The following DGKB variants were observed in gnomAD, a reference collection of about 807,000 sequenced individuals.
The protein encoded by DGKB is diacylglycerol kinase beta.
In DGKB, 67 loss-of-function variants were observed where a neutral mutation model predicts 114.3. The ratio of observed to expected loss-of-function variants is 0.59; its 90% confidence interval spans 0.48 to 0.72. The LOEUF is 0.72. Ranked by LOEUF, DGKB falls within the 30% of genes least tolerant of loss-of-function variation. The pLI, the probability that DGKB is intolerant of heterozygous loss-of-function variation, is 0.00. For missense variants in DGKB, 907 were observed against 975.2 expected (o/e 0.93, Z 0.93); for synonymous variants, 398 against 323.1 (o/e 1.23, Z -2.49).
At chr7:14,897,699 G>T (rs1782330304) in intron 1 of DGKB, among the ~76,000 whole-genome samples, 1 of 151,834 alleles carries the variant, frequency 6.6e-6, no homozygotes, top group East Asian at 1.9e-4. Context: ...TTCTAAATAT[G>T]TAACACCACA....
At chr7:14,777,267 T>C (rs1193191857) in intron 2 of DGKB, among the ~76,000 whole-genome samples, 1 of 152,076 alleles carries the variant, frequency 6.6e-6, no homozygotes, top group African/African-American at 2.4e-5. Context: ...ACTTGGACTT[T>C]TGAGTTAATG....
At chr7:14,398,826 C>T (rs1822651554) in intron 21 of DGKB, among the ~76,000 whole-genome samples, 1 of 151,154 alleles carries the variant, frequency 6.6e-6, no homozygotes, top group East Asian at 1.9e-4. Flanking sequence ...AAGAGGGAGG[C>T]AAGATATTGA....
At chr7:14,661,883 T>C (rs1008064512) in intron 13 of DGKB, among the ~76,000 whole-genome samples, 1 of 152,038 alleles carries the variant, frequency 6.6e-6, no homozygotes, top group African/African-American at 2.4e-5. Flanking sequence ...CCATAAAAAA[T>C]GATGAGTTCA....
chr7:14,270,048 C>G (rs190120978), intron 23 of DGKB, among the ~76,000 whole-genome samples: 2 of 52,842 alleles, frequency 3.8e-5, no homozygotes, highest in Non-Finnish European at 3.4e-5. Context: ...GCTTTTTTTG[C>G]AAAAAAAAAA....
At chr7:14,899,641 C>T (rs937110966) in intron 1 of DGKB, among the ~76,000 whole-genome samples, 7 of 152,088 alleles carry the variant, frequency 4.6e-5, no homozygotes, top group African/African-American at 1.7e-4. Flanking sequence ...GAAATGTCCC[C>T]ATGTTCATTT....
intron 21 of DGKB, among the ~76,000 whole-genome samples, chr7:14,400,899 T>TG (rs1019643517): frequency 2.6e-5 from 4 of 151,860 alleles, no homozygotes; most frequent in Admixed American, 6.6e-5. Flanking sequence ...TCACATTCAG[T>TG]GGGGGGTCCA....
chr7:14,416,876 C>A (rs1475995284), intron 21 of DGKB, among the ~76,000 whole-genome samples: 1 of 152,078 alleles, frequency 6.6e-6, no homozygotes, highest in Non-Finnish European at 1.5e-5. Context: ...CTTTGTCTGG[C>A]AATCCATTCG....
intron 21 of DGKB, among the ~76,000 whole-genome samples, chr7:14,399,518 A>C (rs1822766221): frequency 6.6e-6 from 1 of 151,828 alleles, no homozygotes; most frequent in African/African-American, 2.4e-5. Flanking sequence ...TAGTACCTAT[A>C]ATACAAATAA....
intron 23 of DGKB, among the ~76,000 whole-genome samples, chr7:14,278,111 T>C (rs991080589): frequency 2.0e-5 from 3 of 152,140 alleles, no homozygotes; most frequent in African/African-American, 7.2e-5. Context: ...CCTATGAAAA[T>C]CCCAATGCCA....
At chr7:14,219,794 A>C (rs922747152) in intron 23 of DGKB, among the ~76,000 whole-genome samples, 2 of 151,568 alleles carry the variant, frequency 1.3e-5, no homozygotes, top group African/African-American at 4.8e-5. Context: ...CAATTTACAT[A>C]TTTTTTCTTT....
chr7:14,374,668 G>A (rs925738420), intron 21 of DGKB, among the ~76,000 whole-genome samples: 4 of 152,186 alleles, frequency 2.6e-5, no homozygotes, highest in African/African-American at 9.6e-5. Flanking sequence ...CTAGTCGCAT[G>A]AGTCTCCTGT....
intron 21 of DGKB, among the ~76,000 whole-genome samples, chr7:14,349,722 T>G (rs1056592609): frequency 6.6e-6 from 1 of 152,180 alleles, no homozygotes. Flanking sequence ...TGTTAAATTT[T>G]ATTTTTTTCA....
At chr7:14,435,063 T>C (rs974091746) in intron 21 of DGKB, among the ~76,000 whole-genome samples, 1 of 152,152 alleles carries the variant, frequency 6.6e-6, no homozygotes, top group Non-Finnish European at 1.5e-5. Context: ...TTCCTTATTT[T>C]TGCCTACTGC....
Position 14,887,568 on chromosome 7 carries a change from A to G in DGKB, c.-188+15024T>C, listed in dbSNP as rs370876815. The stretch of plus-strand genomic sequence containing the variant: ...CCCTTAATTTCAGCCTCATATAACC[A>G]CTGTCTACTTAACATCATCACTTGG... On this transcript the variant is annotated intron_variant, in intron 1 of 25. Transcript: ENST00000402815. Among the ~76,000 whole-genome samples the G allele has an allele frequency of 4.6e-5, 7 of 151,710 alleles. No homozygotes were observed. The South Asian group carries it at 1.5e-3, about 31-fold the overall frequency.
At chr7:14,519,795 A>G (rs1174409409) in intron 20 of DGKB, among the ~76,000 whole-genome samples, 1 of 151,866 alleles carries the variant, frequency 6.6e-6, no homozygotes, top group Non-Finnish European at 1.5e-5. Flanking sequence ...GCATTTCTTT[A>G]ATTATTAATA....
At chr7:14,662,916 T>G (rs1817415703) in intron 13 of DGKB, among the ~76,000 whole-genome samples, 1 of 152,010 alleles carries the variant, frequency 6.6e-6, no homozygotes, top group South Asian at 2.1e-4. Flanking sequence ...TGATAAAATG[T>G]TAAAATTCAC....
chr7:14,793,327 G>A (rs1160304687), intron 2 of DGKB, among the ~76,000 whole-genome samples: 2 of 151,928 alleles, frequency 1.3e-5, no homozygotes, highest in Non-Finnish European at 2.9e-5. Context: ...TGCCTGATTG[G>A]GTCATGCATT....
chr7:14,479,668 AT>A (rs1242521992), intron 20 of DGKB, among the ~76,000 whole-genome samples: 1 of 152,086 alleles, frequency 6.6e-6, no homozygotes, highest in Non-Finnish European at 1.5e-5. Flanking sequence ...GTTCCTTTTT[AT>A]AAATTTAATT....
intron 2 of DGKB, among the ~76,000 whole-genome samples, chr7:14,832,775 G>C (rs1846604962): frequency 6.6e-6 from 1 of 151,838 alleles, no homozygotes; most frequent in Non-Finnish European, 1.5e-5. Flanking sequence ...TTCTCTCCTT[G>C]CTCAATCTGC....
Sources: allele counts gnomAD v4.1 joint callset (sites outside exome capture counted in the v4.1 genomes callset), GRCh38; gene constraint gnomAD v4.1.1; transcripts MANE v1.5; gene names NCBI Gene and HGNC (gene_info 2026-07-23, HGNC 2026-07-21).